The following HIVEP3 variants were observed in gnomAD, a reference collection of about 807,000 sequenced individuals.
HIVEP3 encodes the protein HIVEP zinc finger 3.
Under a neutral mutation model 152.8 loss-of-function variants are expected in HIVEP3, and 49 were observed. That is an observed-to-expected ratio of 0.32 (90% CI 0.26 to 0.41). The LOEUF (loss-of-function observed/expected upper bound fraction) is 0.41, where lower values mean the gene tolerates loss of function less well. Among genes scored for constraint, HIVEP3 ranks in the 10% least tolerant of loss-of-function variants. The probability of loss-of-function intolerance (pLI) is 1.00; values close to 1 mark genes in which losing one functional copy is unlikely to be tolerated. For synonymous variants in HIVEP3, 1,269 were observed against 1,289.0 expected (o/e 0.98, Z 0.33); for missense variants, 2,790 against 3,103.3 (o/e 0.90, Z 2.40).
At chr1:42,014,595 T>A (rs1018319954) in intron 1 of HIVEP3, among the ~76,000 whole-genome samples, 1 of 152,160 alleles carries the variant, frequency 6.6e-6, no homozygotes, top group African/African-American at 2.4e-5. Context: ...GTAGGTCCAG[T>A]GATGCCGATC....
chr1:41,990,440 AG>A (rs1645353080), intron 1 of HIVEP3, among the ~76,000 whole-genome samples: 2 of 150,316 alleles, frequency 1.3e-5, no homozygotes, highest in Non-Finnish European at 3.0e-5. Flanking sequence ...CAATTCAACA[AG>A]AAGAGCTAAC....
intron 1 of HIVEP3, among the ~76,000 whole-genome samples, chr1:42,019,061 G>A (rs986353853): frequency 6.6e-6 from 1 of 151,900 alleles, no homozygotes; most frequent in South Asian, 2.1e-4. Flanking sequence ...ACTCATAGAG[G>A]TTGAGGAAAA....
intron 1 of HIVEP3, among the ~76,000 whole-genome samples, chr1:41,917,939 C>A (rs763375443): frequency 1.6e-4 from 25 of 152,222 alleles, no homozygotes. Flanking sequence ...CCTAAACAAT[C>A]CGGAGCAGCA....
upstream of HIVEP3, among the ~76,000 whole-genome samples, chr1:41,920,117 A>AC (rs1644928870): frequency 6.6e-6 from 1 of 152,150 alleles, no homozygotes; most frequent in South Asian, 2.1e-4. Flanking sequence ...AGCGACACAC[A>AC]CACACTCTCT....
intron 1 of HIVEP3, among the ~76,000 whole-genome samples, chr1:41,775,742 A>T (rs1648665176): frequency 6.6e-6 from 1 of 152,060 alleles, no homozygotes; most frequent in Non-Finnish European, 1.5e-5. Context: ...CCACCTCCCA[A>T]AGTGCAGGGA....
chr1:41,757,499 G>A (rs1043262625), intron 1 of HIVEP3, among the ~76,000 whole-genome samples: 5 of 152,020 alleles, frequency 3.3e-5, no homozygotes, highest in Non-Finnish European at 5.9e-5. Flanking sequence ...AGGAGTTTGA[G>A]GCTGTAGTGA....
At chr1:41,861,983 A>G (rs1281948604) in intron 1 of HIVEP3, among the ~76,000 whole-genome samples, 1 of 152,122 alleles carries the variant, frequency 6.6e-6, no homozygotes, top group African/African-American at 2.4e-5. Flanking sequence ...GCTTGGAAAC[A>G]AATTTGGCCG....
chr1:41,711,468 C>T (rs564214243), intron 1 of HIVEP3, among the ~76,000 whole-genome samples: 10 of 152,316 alleles, frequency 6.6e-5, no homozygotes, highest in African/African-American at 2.4e-4. Flanking sequence ...TGGGGCCAGA[C>T]AGTCCTGTGT....
chr1:41,799,346 G>C (rs946198000), intron 1 of HIVEP3, among the ~76,000 whole-genome samples: 1 of 152,112 alleles, frequency 6.6e-6, no homozygotes, highest in Non-Finnish European at 1.5e-5. Flanking sequence ...AACTGTTTGT[G>C]GTTCCTTAAA....
At chr1:41,820,352 T>C (rs544891375) in intron 1 of HIVEP3, among the ~76,000 whole-genome samples, 39 of 152,312 alleles carry the variant, frequency 2.6e-4, no homozygotes, top group Non-Finnish European at 2.2e-4. Context: ...AGAATGACCA[T>C]AGGTCCCTGT....
In HIVEP3 at chr1:41,662,356, G is replaced by A. The variant is rs1033421884; in HGVS notation, c.-720-33409C>T. 1.4e-5 allele frequency: 2 copies of A among 146,152 alleles called. No individual in the cohort carries two copies. The highest frequency in any genetic ancestry group is 6.8e-5 in the Admixed American group (1 of 14,678). The allele number at this position is 146,152 out of a possible 1,614,324, so 9.1% of individuals were successfully genotyped here. On this transcript the variant is annotated intron_variant, in intron 2 of 8. Transcript: ENST00000372583. This position sits in a 1 kb window ranked among gnomAD's most constrained non-coding sequence, Gnocchi z 7.2. ...CGGGCGGGCGCCGGCGGCGGGCGCG[G>A]CTCCGGGCCGCCCCGCGGCCGCTTG...
intron 2 of HIVEP3, among the ~76,000 whole-genome samples, chr1:41,684,301 C>G (rs1171169639): frequency 6.6e-6 from 1 of 152,238 alleles, no homozygotes; most frequent in Non-Finnish European, 1.5e-5. Context: ...TAGTCCAAAG[C>G]CACCAACCAC....
intron 1 of HIVEP3, among the ~76,000 whole-genome samples, chr1:41,739,744 A>C (rs921278746): frequency 6.6e-6 from 1 of 152,220 alleles, no homozygotes; most frequent in Non-Finnish European, 1.5e-5. Context: ...AGGCAGGGTA[A>C]TCATGCCCAC....
chr1:41,513,688 G>A lies in HIVEP3; in HGVS notation c.5533C>T (p.His1845Tyr), dbSNP rs771529007. The A allele has an allele frequency of 2.2e-5, 35 of 1,611,086 alleles. No individual in the cohort carries two copies. The highest frequency in any genetic ancestry group is 1.6e-4 in the Middle Eastern group (1 of 6,064). Residue 1845 changes from histidine to tyrosine, a missense_variant, in exon 8 of 9, where the codon CAC (histidine) becomes TAC (tyrosine). His to Tyr is a moderately conservative substitution (Grantham distance 83, BLOSUM62 2). Coordinates refer to ENST00000372583, the MANE Select transcript of HIVEP3 (RefSeq NM_024503.5). ...GREGSEAVEE[H>Y]QFSDLEDSDS... is the part of the protein sequence containing the mutation. ...GAGTCCTCCAGGTCCGAAAACTGGT[G>A]CTCCTCCACAGCCTCTGAACCCTCT...
At chr1:42,003,070 CTTT>C (rs1557557602) in intron 1 of HIVEP3, among the ~76,000 whole-genome samples, 2 of 151,784 alleles carry the variant, frequency 1.3e-5, no homozygotes, top group South Asian at 4.2e-4. Context: ...GCTGACTTCT[CTTT>C]TTTCTTTTTT....
rs528511995 is a variant in HIVEP3 at position 41,532,327 on chromosome 1, G to A, written c.5208-7417C>T. Among the ~76,000 whole-genome samples the A allele has an allele frequency of 5.3e-5, 8 of 152,092 alleles. No individual in the cohort carries two copies. In the South Asian group the frequency reaches 1.0e-3, roughly 20 times the overall value. ...GAGAAGGGAGGACAGAAGAGATGGA[G>A]GACAGGAGAGAAGGGAGGACTTGGG... is the stretch of plus-strand genomic sequence containing the variant. On this transcript the variant is annotated intron_variant, in intron 5 of 8. Transcript: ENST00000372583.
intron 1 of HIVEP3, among the ~76,000 whole-genome samples, chr1:41,814,724 C>T (rs1347257281): frequency 6.6e-6 from 1 of 152,196 alleles, no homozygotes; most frequent in African/African-American, 2.4e-5. Context: ...TAGTGTGTTT[C>T]GGTTCCACAA....
At chr1:41,638,331 A>G (rs1558137217) in intron 2 of HIVEP3, among the ~76,000 whole-genome samples, 4,318 of 36,184 alleles carry the variant, frequency 0.12, 147 homozygotes, top group African/African-American at 0.18. Context: ...AGAAAGAAAG[A>G]AAGGGAGAGA....
At chr1:41,751,214 T>C (rs1255301071) in intron 1 of HIVEP3, among the ~76,000 whole-genome samples, 1 of 151,492 alleles carries the variant, frequency 6.6e-6, no homozygotes, top group Non-Finnish European at 1.5e-5. Context: ...GGATAAAAAG[T>C]GACAACAGAT....
Sources: gnomAD v4.1 joint callset for allele counts (sites outside exome capture counted in the v4.1 genomes callset) on GRCh38, gnomAD v4.1.1 for gene constraint, Gnocchi (gnomAD v3.1) non-coding constraint, MANE v1.5 for transcripts, NCBI Gene and HGNC (gene_info 2026-07-23, HGNC 2026-07-21) for gene names.